KHDC1: variants seen among roughly 807,000 people sequenced by gnomAD.
KHDC1 encodes KH homology domain-containing protein 1.
In KHDC1, 21 loss-of-function variants were observed where a neutral mutation model predicts 24.7. That is an observed-to-expected ratio of 0.85 (90% CI 0.60 to 1.23). The LOEUF (loss-of-function observed/expected upper bound fraction) is 1.23. KHDC1 is among the 50% of genes most tolerant of loss of function. The pLI, the probability that KHDC1 is intolerant of heterozygous loss-of-function variation, is 0.00. For synonymous variants in KHDC1, 98 were observed against 111.7 expected (o/e 0.88, Z 0.77); for missense variants, 274 against 298.5 (o/e 0.92, Z 0.61).
chr6:73,248,718 TG>T (rs1766721126), intron 2 of KHDC1, among the ~76,000 whole-genome samples: 1 of 152,170 alleles, frequency 6.6e-6, no homozygotes, highest in Admixed American at 6.5e-5. Flanking sequence ...TTCTTTCGAA[TG>T]AACAAATATT....
chr6:73,251,794 CTTTTCT>C (rs1216103938), intron 2 of KHDC1, among the ~76,000 whole-genome samples: 27 of 148,372 alleles, frequency 1.8e-4, no homozygotes, highest in Admixed American at 3.4e-4. Flanking sequence ...CTTTTCTTTT[CTTTTCT>C]TTTTTTTTTT....
chr6:73,277,863 C>CAAA (rs35501040), intron 2 of KHDC1, among the ~76,000 whole-genome samples: 8,115 of 131,562 alleles, frequency 0.062, 297 homozygotes, highest in African/African-American at 0.1. Flanking sequence ...GATCGTGTCT[C>CAAA]AAAAAAAAAA....
intron 2 of KHDC1, among the ~76,000 whole-genome samples, chr6:73,270,986 G>A (rs1767168074): frequency 6.6e-6 from 1 of 151,928 alleles, no homozygotes; most frequent in Admixed American, 6.6e-5. Context: ...CACCGCGCCC[G>A]GCCTGTTGCT....
intron 2 of KHDC1, among the ~76,000 whole-genome samples, chr6:73,282,925 T>G (rs1767442067): frequency 6.6e-6 from 1 of 152,238 alleles, no homozygotes; most frequent in Non-Finnish European, 1.5e-5. Flanking sequence ...CTGCACAGCC[T>G]GTTCTACGTG....
chr6:73,272,917 G>A (rs1582568745), intron 2 of KHDC1, among the ~76,000 whole-genome samples: 1 of 145,312 alleles, frequency 6.9e-6, no homozygotes, highest in Admixed American at 6.8e-5. Context: ...GGAGTGCAAT[G>A]GGGTGATCTT....
intron 2 of KHDC1, among the ~76,000 whole-genome samples, chr6:73,259,555 GAACAA>G (rs1411134962): frequency 1.3e-5 from 2 of 152,050 alleles, no homozygotes; most frequent in African/African-American, 4.8e-5. Context: ...CCAATTTTTA[GAACAA>G]AAATATTCAC....
intron 2 of KHDC1, among the ~76,000 whole-genome samples, chr6:73,285,231 A>T (rs989841898): frequency 6.6e-6 from 1 of 152,144 alleles, no homozygotes; most frequent in Non-Finnish European, 1.5e-5. Flanking sequence ...TTTATTCATC[A>T]TCTTTTAAAG....
At chr6:73,267,282 C>A (rs1432625878) in intron 2 of KHDC1, among the ~76,000 whole-genome samples, 4 of 152,094 alleles carry the variant, frequency 2.6e-5, no homozygotes, top group Non-Finnish European at 2.9e-5. Flanking sequence ...GAGTTCAAGA[C>A]CAGCCTGGCC....
At chr6:73,298,783 T>C (rs958394555) in intron 1 of KHDC1, among the ~76,000 whole-genome samples, 2 of 151,550 alleles carry the variant, frequency 1.3e-5, no homozygotes, top group African/African-American at 4.9e-5. Flanking sequence ...TGTCACCCAG[T>C]CTGGAATGCA....
chr6:73,286,845 T>G (rs1767532115), intron 2 of KHDC1, among the ~76,000 whole-genome samples: 1 of 149,692 alleles, frequency 6.7e-6, no homozygotes, highest in Non-Finnish European at 1.5e-5. Flanking sequence ...TTCATGCCAC[T>G]GCACTCCAGC....
At chr6:73,273,833 A>C (rs1246073678) in intron 2 of KHDC1, among the ~76,000 whole-genome samples, 1 of 152,080 alleles carries the variant, frequency 6.6e-6, no homozygotes, top group Admixed American at 6.6e-5. Flanking sequence ...AAAATAAAAA[A>C]ATAAGCCAGG....
intron 1 of KHDC1, among the ~76,000 whole-genome samples, chr6:73,308,604 G>T (rs926160309): frequency 2.0e-5 from 3 of 150,734 alleles, no homozygotes; most frequent in Admixed American, 6.6e-5. Flanking sequence ...CGACCTCCCC[G>T]GGCTCAGGTG....
At chr6:73,276,193 TA>T (rs1196315193) in intron 2 of KHDC1, 4 of 146,138 alleles carry the variant, frequency 2.7e-5, no homozygotes, top group Non-Finnish European at 6.0e-5. Context: ...AGATTCTGTC[TA>T]AAAAAAAAGA....
intron 1 of KHDC1, among the ~76,000 whole-genome samples, chr6:73,307,403 G>T (rs1241275384): frequency 6.6e-6 from 1 of 152,080 alleles, no homozygotes; most frequent in East Asian, 1.9e-4. Context: ...CCAGCCTGGC[G>T]ACAGAGCGAG....
At chr6:73,278,016 T>TG (rs1300169250) in intron 2 of KHDC1, among the ~76,000 whole-genome samples, 1 of 138,500 alleles carries the variant, frequency 7.2e-6, no homozygotes, top group African/African-American at 2.7e-5. Flanking sequence ...GGTGTTTTTT[T>TG]TTTTTTTTTT....
intron 2 of KHDC1, among the ~76,000 whole-genome samples, chr6:73,270,818 G>C (rs1292275841): frequency 6.6e-6 from 1 of 151,702 alleles, no homozygotes; most frequent in East Asian, 2.0e-4. Flanking sequence ...AGCCTCCCGA[G>C]TAGCTGGGAC....
intron 1 of KHDC1, chr6:73,293,231 G>A: frequency 1.5e-6 from 1 of 670,028 alleles, no homozygotes. Flanking sequence ...GACAATAGCA[G>A]GTCAGAGGCT....
intron 2 of KHDC1, among the ~76,000 whole-genome samples, chr6:73,266,928 C>T (rs564346557): frequency 6.6e-6 from 1 of 152,334 alleles, no homozygotes; most frequent in African/African-American, 2.4e-5. Context: ...TTGGCACACA[C>T]TTATAGTCCC....
At chr6:73,251,782 T>C (rs1432471159) in intron 2 of KHDC1, among the ~76,000 whole-genome samples, 1 of 149,580 alleles carries the variant, frequency 6.7e-6, no homozygotes, top group Admixed American at 6.6e-5. Flanking sequence ...TTCTTTTTTT[T>C]CCTTTTCTTT....
Sources: allele counts gnomAD v4.1 joint callset (sites outside exome capture counted in the v4.1 genomes callset), GRCh38; gene constraint gnomAD v4.1.1; transcripts MANE v1.5; gene names NCBI Gene and HGNC (gene_info 2026-07-23, HGNC 2026-07-21).